The following CHST6 variants were observed in gnomAD, a reference collection of about 807,000 sequenced individuals.
The protein encoded by CHST6 is N-acetylglucosamine 6-O-sulfotransferase 5.
For missense variants in CHST6, 698 were observed against 586.2 expected (o/e 1.19, Z -1.97); for synonymous variants, 309 against 276.4 (o/e 1.12, Z -1.17).
intron 2 of CHST6, 78 bp from the exon 3 acceptor site, chr16:75,479,922 G>T: frequency 2.3e-6 from 3 of 1,278,844 alleles, no homozygotes; most frequent in South Asian, 1.3e-5. Flanking sequence ...TGCCCGCAGG[G>T]GGCAGATTCT....
At chr16:75,480,941 A>AAG (rs1377519823) in intron 2 of CHST6, among the ~76,000 whole-genome samples, 17 of 127,014 alleles carry the variant, frequency 1.3e-4, no homozygotes, top group African/African-American at 4.6e-4. Flanking sequence ...AAAAAAAAAA[A>AAG]AAAAAGAAAA....
chr16:75,491,448 C>A (rs903977041), intron 1 of CHST6, among the ~76,000 whole-genome samples: 1 of 151,804 alleles, frequency 6.6e-6, no homozygotes, highest in African/African-American at 2.4e-5. Context: ...CGGCTTACTG[C>A]AAACTCTGCC....
chr16:75,481,940 C>A, intron 1 of CHST6, 49 bp from the exon 2 acceptor site: 2 of 440,802 alleles, frequency 4.5e-6, no homozygotes, highest in South Asian at 1.6e-5. Flanking sequence ...GGGAAGATAG[C>A]CCCAAAAGCG....
chr16:75,487,260 A>G (rs978066490), intron 1 of CHST6, among the ~76,000 whole-genome samples: 3 of 152,168 alleles, frequency 2.0e-5, no homozygotes, highest in Middle Eastern at 6.4e-3. Flanking sequence ...CAAATAGGAA[A>G]AGCAAGACAT....
chr16:75,487,117 G>A (rs1350478127), intron 1 of CHST6, among the ~76,000 whole-genome samples: 1 of 152,182 alleles, frequency 6.6e-6, no homozygotes, highest in East Asian at 1.9e-4. Flanking sequence ...CACATCCAGA[G>A]GGAGGAATTC....
At chr16:75,486,439 G>C (rs1404210528) in intron 1 of CHST6, among the ~76,000 whole-genome samples, 1 of 152,154 alleles carries the variant, frequency 6.6e-6, no homozygotes, top group Non-Finnish European at 1.5e-5. Flanking sequence ...GGCTCAGATG[G>C]GGCTGATCCA....
At position 75,474,594 on chromosome 16, in the gene CHST6, T is replaced by C; in HGVS notation, c.*4047A>G. 7.5e-6 allele frequency: 3 copies of C among 398,628 alleles called. No homozygotes were observed. The highest frequency in any genetic ancestry group is 1.3e-5 in the Non-Finnish European group (3 of 226,174). 24.7% of individuals were successfully genotyped at this position (398,628 alleles called of 1,614,324 possible). On this transcript the variant is annotated 3_prime_UTR_variant, in exon 3 of 3. Coordinates refer to ENST00000332272, the MANE Select transcript of CHST6 (RefSeq NM_021615.5). ...CCCAGCAAGGGTCATATATAATAAA[T>C]AGAAGTGTATTGGCTTACAGTTCTG...
rs1015063903 is a variant in CHST6 at position 75,472,458 on chromosome 16, T to C, written c.*6183A>G. On this transcript the variant is annotated 3_prime_UTR_variant, in exon 3 of 3. Coordinates refer to ENST00000332272, the MANE Select transcript of CHST6 (RefSeq NM_021615.5). Reference sequence around the variant, plus strand: ...GCAACATGGGCACAGCCTTGAACAATGAAAAAGGAATACAGTTGAGTCATA... The same window carrying C: ...GCAACATGGGCACAGCCTTGAACAACGAAAAAGGAATACAGTTGAGTCATA... The C allele has an allele frequency of 6.6e-6, 1 of 152,132 alleles. No homozygotes were observed. Among genetic ancestry groups the C allele is most frequent in the Admixed American group, 6.5e-5 (1 of 15,278 alleles). 9.4% of individuals were successfully genotyped at this position (152,132 alleles called of 1,614,324 possible). A position where few individuals can be genotyped will look rare whatever the true frequency, so the allele number is the denominator to read the frequency against.
Position 75,474,724 on chromosome 16 carries a change from CGAGA to C in CHST6, c.*3913_*3916del, listed in dbSNP as rs2080049342. 2.5e-6 allele frequency: 1 copy of C among 398,396 alleles called. No individual in the cohort carries two copies. The highest frequency in any genetic ancestry group is 4.4e-6 in the Non-Finnish European group (1 of 226,062). The allele number at this position is 398,396 out of a possible 1,614,324, so 24.7% of individuals were successfully genotyped here. On this transcript the variant is annotated 3_prime_UTR_variant, in exon 3 of 3. Transcript: ENST00000332272. ...ATATGGCAGAAGGGCAAAGTGAGGGCGAGAGAAAGACAAAGAATGAACTCCTTCA... is the reference window on the plus strand; with the variant it reads ...ATATGGCAGAAGGGCAAAGTGAGGGCGAAAGACAAAGAATGAACTCCTTCA...
In CHST6 at chr16:75,474,462, G is replaced by A. The variant is rs555457941; in HGVS notation, c.*4179C>T. 2.9e-4 allele frequency: 113 copies of A among 395,088 alleles called. 1 individual carries two copies. The South Asian group carries it at 0.011, about 39-fold the overall frequency. 24.5% of individuals were successfully genotyped at this position (395,088 alleles called of 1,614,324 possible). ...GCTAATTTTTTTTTAACTTTGTAGAGATGGGGTCTCACTATGTTGCCCAGG... is the reference window on the plus strand; with the variant it reads ...GCTAATTTTTTTTTAACTTTGTAGAAATGGGGTCTCACTATGTTGCCCAGG... On this transcript the variant is annotated 3_prime_UTR_variant, in exon 3 of 3. Transcript: ENST00000332272.
At chr16:75,493,580 G>T (rs1198490063) in intron 1 of CHST6, among the ~76,000 whole-genome samples, 1 of 151,746 alleles carries the variant, frequency 6.6e-6, no homozygotes, top group African/African-American at 2.4e-5. Context: ...GGGCTTGATT[G>T]AAAGAGTGAG....
At chr16:75,489,762 GTTT>G (rs147326773) in intron 1 of CHST6, among the ~76,000 whole-genome samples, 3 of 151,892 alleles carry the variant, frequency 2.0e-5, no homozygotes, top group Non-Finnish European at 2.9e-5. Context: ...ATCCTATTTA[GTTT>G]TTTAAGAATA....
In CHST6 at chr16:75,478,608, C is replaced by G. The variant is rs376468061; in HGVS notation, c.*33G>C. On this transcript the variant is annotated 3_prime_UTR_variant, in exon 3 of 3. Transcript: ENST00000332272. ...CCCTCTGCACCATGCACTCTCCTCC[C>G]GGGCCTAGCGCCTGCTACAACTGTG... The G allele has an allele frequency of 1.2e-5, 19 of 1,608,476 alleles. No individual in the cohort carries two copies. Among genetic ancestry groups the G allele is most frequent in the Non-Finnish European group, 1.6e-5 (19 of 1,175,606 alleles).
chr16:75,479,816 G>T lies in CHST6; in HGVS notation c.13C>A (p.Arg5Ser). The T allele has an allele frequency of 6.4e-7, 1 of 1,560,528 alleles. No homozygotes were observed. ...GCGGTCACTGCTGTGCTGGAGACGCGCGGCAGCCACATGCTGACTGCTGGG... is the reference window on the plus strand; with the variant it reads ...GCGGTCACTGCTGTGCTGGAGACGCTCGGCAGCCACATGCTGACTGCTGGG... MWLP[R>S]VSSTAVTALL... The change falls in exon 3 of 3, where the codon CGC (arginine) becomes AGC (serine). Residue 5 changes from arginine (R) to serine (S), a missense_variant. By Grantham distance (110) the Arg-to-Ser change is moderately radical (BLOSUM62 -1). Coordinates refer to ENST00000332272, the MANE Select transcript of CHST6 (RefSeq NM_021615.5).
rs929905563 is a variant in CHST6 at position 75,474,368 on chromosome 16, A to T, written c.*4273T>A. On this transcript the variant is annotated 3_prime_UTR_variant, in exon 3 of 3. Coordinates refer to ENST00000332272, the MANE Select transcript of CHST6 (RefSeq NM_021615.5). ...TGGTTCAATGTAGCCTCAACCTCCC[A>T]GGGTCAAGCAGTCCTCCCAACTCAG... The T allele has an allele frequency of 5.4e-6, 2 of 369,468 alleles. No homozygotes were observed. Among genetic ancestry groups the T allele is most frequent in the Non-Finnish European group, 9.6e-6 (2 of 208,330 alleles). The allele number at this position is 369,468 out of a possible 1,614,324, so 22.9% of individuals were successfully genotyped here. A position where few individuals can be genotyped will look rare whatever the true frequency, so the allele number is the denominator to read the frequency against.
Position 75,475,173 on chromosome 16 carries a change from ACAACACTGGGGATCAAGGTTC to A in CHST6, c.*3447_*3467del. Reference sequence around the variant, plus strand: ...TTTACTTTCCATCAAGCCTCACCTCACAACACTGGGGATCAAGGTTCCAACTTTGGGAGACACAATCAAATC... The same window carrying A: ...TTTACTTTCCATCAAGCCTCACCTCACAACTTTGGGAGACACAATCAAATC... On this transcript the variant is annotated 3_prime_UTR_variant, in exon 3 of 3. Coordinates refer to ENST00000332272, the MANE Select transcript of CHST6 (RefSeq NM_021615.5). The A allele has an allele frequency of 6.6e-6, 1 of 152,578 alleles. No homozygotes were observed. The highest frequency in any genetic ancestry group is 2.1e-4 in the South Asian group (1 of 4,834). The allele number at this position is 152,578 out of a possible 1,614,324, so 9.5% of individuals were successfully genotyped here.
intron 1 of CHST6, among the ~76,000 whole-genome samples, chr16:75,491,190 A>AATATAT (rs1555501738): frequency 0.01 from 503 of 49,960 alleles, 1 homozygote; most frequent in Middle Eastern, 0.022. Flanking sequence ...AAAAAAAAAA[A>AATATAT]ATATATATAT....
At chr16:75,483,302 C>T (rs1227039746) in intron 1 of CHST6, among the ~76,000 whole-genome samples, 1 of 152,188 alleles carries the variant, frequency 6.6e-6, no homozygotes, top group East Asian at 1.9e-4. Context: ...CCAGCTCAGC[C>T]CTTCCCTGGG....
At chr16:75,482,628 G>A (rs994669262) in intron 1 of CHST6, among the ~76,000 whole-genome samples, 16 of 152,164 alleles carry the variant, frequency 1.1e-4, no homozygotes, top group Non-Finnish European at 2.1e-4. Context: ...GTCCCAAAGT[G>A]TTCTTCTGTT....
Sources: allele counts gnomAD v4.1 joint callset (sites outside exome capture counted in the v4.1 genomes callset), GRCh38; gene constraint gnomAD v4.1.1; transcripts MANE v1.5; gene names NCBI Gene and HGNC (gene_info 2026-07-23, HGNC 2026-07-21).